The following TMC5 variants were observed in gnomAD, a reference collection of about 807,000 sequenced individuals.
TMC5 encodes transmembrane channel-like protein 5.
Under a neutral mutation model 110.5 loss-of-function variants are expected in TMC5, and 86 were observed. That is an observed-to-expected ratio of 0.78 (90% confidence interval 0.65 to 0.93). The LOEUF (loss-of-function observed/expected upper bound fraction) is 0.93. Among genes scored for constraint, TMC5 ranks in the 40% least tolerant of loss-of-function variants. The pLI, the probability that TMC5 is intolerant of heterozygous loss-of-function variation, is 0.00. For missense variants in TMC5, 1,144 were observed against 1,222.8 expected (o/e 0.94, Z 0.96); for synonymous variants, 455 against 439.5 (o/e 1.04, Z -0.44).
upstream of TMC5, among the ~76,000 whole-genome samples, chr16:19,414,000 C>T (rs1226555967): frequency 1.3e-5 from 2 of 152,242 alleles, no homozygotes; most frequent in Admixed American, 1.3e-4. Context: ...TAAATGTTGG[C>T]CACTTACGTA....
upstream of TMC5, among the ~76,000 whole-genome samples, chr16:19,414,833 G>A (rs1347316502): frequency 6.7e-6 from 1 of 149,244 alleles, no homozygotes; most frequent in African/African-American, 2.5e-5. Flanking sequence ...ATCGCTTGAG[G>A]CCAGGAGTTC....
chr16:19,463,454 C>T (rs574722018), intron 7 of TMC5, 87 bp downstream of exon 7: 4 of 1,148,198 alleles, frequency 3.5e-6, no homozygotes, highest in Non-Finnish European at 5.3e-6. Flanking sequence ...GGAAGATGAA[C>T]CAAAAATCAG....
chr16:19,421,206 GT>G (rs1219269272), intron 1 of TMC5, among the ~76,000 whole-genome samples: 2 of 152,056 alleles, frequency 1.3e-5, no homozygotes, highest in Non-Finnish European at 2.9e-5. Flanking sequence ...TTCATCATGG[GT>G]TTTTTGCACT....
chr16:19,445,636 A>T (rs1359015191), intron 4 of TMC5, among the ~76,000 whole-genome samples: 2 of 152,082 alleles, frequency 1.3e-5, no homozygotes, highest in African/African-American at 4.8e-5. Flanking sequence ...TGTTAAAGGA[A>T]TTTGGAACCT....
chr16:19,456,409 A>C (rs1346774673), intron 5 of TMC5: 1 of 1,031,388 alleles, frequency 9.7e-7, no homozygotes, highest in African/African-American at 1.7e-5. Context: ...CATTGTCTTA[A>C]ATGAAAGATT....
At position 19,418,623 on chromosome 16, in the gene TMC5, T is replaced by C. The variant is rs528882051; in HGVS notation, c.-308+531T>C. ...GAGATTTAAAAAAAAATCTATTTAC[T>C]TCTTTATGGTGTTCAAGAAACAATA... On this transcript the variant is annotated intron_variant, in intron 1 of 21. Transcript: ENST00000542583. 9.9e-5 allele frequency among the ~76,000 whole-genome samples: 15 copies of C among 152,266 alleles called. 1 individual carries two copies. In the East Asian group the frequency reaches 2.7e-3, roughly 27 times the overall value.
intron 4 of TMC5, among the ~76,000 whole-genome samples, chr16:19,447,107 A>G (rs1967631662): frequency 6.6e-6 from 1 of 152,176 alleles, no homozygotes; most frequent in Non-Finnish European, 1.5e-5. Context: ...CCAAAAATCC[A>G]GAGTCGTACA....
At chr16:19,477,389 A>G (rs1968514729) in intron 12 of TMC5, 51 bp from the exon 13 acceptor site, 2 of 1,384,878 alleles carry the variant, frequency 1.4e-6, no homozygotes, top group African/African-American at 1.4e-5. Context: ...TTGCAGACAG[A>G]ATGAAAGACT....
rs947400498 is a variant in TMC5, at chr16:19,427,587, A to C, written c.-307-2826A>C. 3.3e-5 allele frequency among the ~76,000 whole-genome samples: 5 copies of C among 152,196 alleles called. 1 individual carries two copies. The South Asian group carries it at 1.0e-3, about 32-fold the overall frequency. On this transcript the variant is annotated intron_variant, in intron 1 of 21. Transcript: ENST00000542583. ...GCATGTAGAGAACCATTCCATCGGC[A>C]TAGAAAGTTCTGTTGGACAGCCTTG...
Position 19,439,962 on chromosome 16 carries a change from G to GAAA in TMC5, c.-67_-65dup. 4 of 1,026,306 alleles carry GAAA rather than the reference G, an allele frequency of 3.9e-6. No homozygotes were observed. The highest frequency in any genetic ancestry group is 1.9e-5 in the South Asian group (1 of 53,914). 63.6% of individuals were successfully genotyped at this position (1,026,306 alleles called of 1,614,324 possible). ...TTTCTTTTCTTCTTGTTTTTCAGGT[G>GAAA]AAAAAAAAAAAAGATCCCTGAGTAA... On this transcript the variant is annotated 5_prime_UTR_variant, in exon 3 of 22. Transcript: ENST00000542583.
At position 19,498,025 on chromosome 16, in the gene TMC5, T is replaced by C; in HGVS notation, c.*59T>C. On this transcript the variant is annotated 3_prime_UTR_variant, in exon 22 of 22. Transcript: ENST00000542583. ...AGGGGAGGAGACGAAAATGGAATGA[T>C]TTCTTCCATGCCACCTGTGCCTTTA... is the stretch of plus-strand genomic sequence containing the variant. The C allele has an allele frequency of 1.3e-6, 2 of 1,515,130 alleles. No homozygotes were observed. Among genetic ancestry groups the C allele is most frequent in the Non-Finnish European group, 1.8e-6 (2 of 1,089,478 alleles). 93.9% of individuals were successfully genotyped at this position (1,515,130 alleles called of 1,614,324 possible).
intron 1 of TMC5, among the ~76,000 whole-genome samples, chr16:19,422,071 A>G (rs1966996027): frequency 6.6e-6 from 1 of 152,116 alleles, no homozygotes; most frequent in Admixed American, 6.5e-5. Flanking sequence ...TCTATTAAAA[A>G]TACAAAAAAA....
At chr16:19,470,088 G>A (rs1056467458) in intron 10 of TMC5, among the ~76,000 whole-genome samples, 3 of 151,504 alleles carry the variant, frequency 2.0e-5, no homozygotes, top group Admixed American at 6.6e-5. Flanking sequence ...TAGAGACGGG[G>A]TTTCACTGTG....
rs751742539 is a variant in TMC5 at position 19,477,497 on chromosome 16, C to T, written c.2148C>T (p.Thr716=). ...TTCTTTGTTACTATTGGCTCAACACCGTGGCCCTGTCTGGTGAAGAGGTGA... is the reference window on the plus strand; with the variant it reads ...TTCTTTGTTACTATTGGCTCAACACTGTGGCCCTGTCTGGTGAAGAGGTGA... The part of the protein sequence containing the change: ...IGILCYYWLN[T]VALSGEECWE... Residue 716 remains threonine (T), a synonymous_variant, in exon 13 of 22, where the codon ACC becomes ACT. Coordinates refer to ENST00000542583, the MANE Select transcript of TMC5 (RefSeq NM_001261841.2). The T allele has an allele frequency of 9.2e-5, 148 of 1,610,872 alleles. 1 individual carries two copies. Among genetic ancestry groups the T allele is most frequent in the South Asian group, 7.3e-4 (66 of 90,500 alleles).
In TMC5 at chr16:19,474,113, C is replaced by T. The variant is rs78883216; in HGVS notation, c.1939-12C>T. Reference sequence around the variant, plus strand: ...CAAGTCAGCCCTCCGTTCTCTCCCCCATCCCCTGCAGTTCCTGAAGACACA... The same window carrying T: ...CAAGTCAGCCCTCCGTTCTCTCCCCTATCCCCTGCAGTTCCTGAAGACACA... On this transcript the variant is annotated splice_polypyrimidine_tract_variant and intron_variant, in intron 11 of 21. Transcript: ENST00000542583. 52 of 1,612,256 alleles carry T rather than the reference C, an allele frequency of 3.2e-5. No homozygotes were observed. In the South Asian group the frequency reaches 5.3e-4, roughly 16 times the overall value.
chr16:19,498,848 G>C lies in TMC5; in HGVS notation c.*882G>C, dbSNP rs1969120509. ...GGCTGAGGCAAGCGGATCACTTAAT[G>C]TCAGGAGTTCAAGACCAGCCTGGCC... is the stretch of plus-strand genomic sequence containing the variant. On this transcript the variant is annotated 3_prime_UTR_variant, in exon 22 of 22. Coordinates refer to ENST00000542583, the MANE Select transcript of TMC5 (RefSeq NM_001261841.2). The C allele has an allele frequency of 1.3e-5, 2 of 152,144 alleles. No individual in the cohort carries two copies. Among genetic ancestry groups the C allele is most frequent in the African/African-American group, 4.8e-5 (2 of 41,430 alleles). The allele number at this position is 152,144 out of a possible 1,614,324, so 9.4% of individuals were successfully genotyped here.
intron 2 of TMC5, among the ~76,000 whole-genome samples, chr16:19,433,106 T>G (rs1376411582): frequency 6.6e-6 from 1 of 152,156 alleles, no homozygotes; most frequent in Non-Finnish European, 1.5e-5. Context: ...ACCAAAATGA[T>G]TTGTATCAGT....
chr16:19,466,299 T>C (rs1968188088), intron 9 of TMC5, 66 bp downstream of exon 9: 1 of 1,572,472 alleles, frequency 6.4e-7, no homozygotes, highest in Admixed American at 1.8e-5. Flanking sequence ...ATCCAAGAAA[T>C]TCAAAAATTA....
intron 2 of TMC5, among the ~76,000 whole-genome samples, chr16:19,433,448 G>T (rs1274867372): frequency 6.6e-6 from 1 of 152,136 alleles, no homozygotes; most frequent in African/African-American, 2.4e-5. Context: ...ACCTGGAGGG[G>T]ACTCCAGAGT....
Sources: gnomAD v4.1 joint callset for allele counts (sites outside exome capture counted in the v4.1 genomes callset) on GRCh38, gnomAD v4.1.1 for gene constraint, MANE v1.5 for transcripts, NCBI Gene and HGNC (gene_info 2026-07-23, HGNC 2026-07-21) for gene names.